The following DYNC2H1 variants were observed in gnomAD, a reference collection of about 807,000 sequenced individuals.
DYNC2H1 encodes dynein cytoplasmic 2 heavy chain 1, also known as cytoplasmic dynein 2 heavy chain 1.
Under a neutral mutation model 570.0 loss-of-function variants are expected in DYNC2H1, and 410 were observed. That is an observed-to-expected ratio of 0.72 (90% CI 0.66 to 0.78). The LOEUF (loss-of-function observed/expected upper bound fraction) is 0.78, where lower values mean the gene tolerates loss of function less well. Among genes scored for constraint, DYNC2H1 ranks in the 30% least tolerant of loss-of-function variants. DYNC2H1 has a pLI of 0.00. For missense variants in DYNC2H1, 4,865 were observed against 5,046.4 expected, an observed-to-expected ratio of 0.96 and a Z score of 1.09; for synonymous variants, 1,688 against 1,677.6, an observed-to-expected ratio of 1.01 and a Z score of -0.15.
chr11:103,274,321 C>A (rs1339498250), intron 70 of DYNC2H1, among the ~76,000 whole-genome samples: 1 of 152,060 alleles, frequency 6.6e-6, no homozygotes, highest in Non-Finnish European at 1.5e-5. Flanking sequence ...GATCACACTA[C>A]TGCACCCCAG....
intron 65 of DYNC2H1, among the ~76,000 whole-genome samples, chr11:103,248,894 C>CA: frequency 6.6e-6 from 1 of 151,920 alleles, no homozygotes; most frequent in African/African-American, 2.4e-5. Flanking sequence ...AAAAAACAAA[C>CA]AAAAAAACAA....
rs936212443 is a variant in DYNC2H1, at chr11:103,311,867, T to A, written c.11494-11T>A. On this transcript the variant is annotated splice_polypyrimidine_tract_variant and intron_variant, in intron 78 of 88. Transcript: ENST00000375735. ...TTTTAGCAATAGGATGTCTGTTGAT[T>A]TTTTTTCTAGTCACCTCCAGGTTTA... The A allele has an allele frequency of 1.3e-6, 2 of 1,599,232 alleles. No individual in the cohort carries two copies. Among genetic ancestry groups the A allele is most frequent in the Non-Finnish European group, 1.7e-6 (2 of 1,173,666 alleles).
rs373100214 is a variant in DYNC2H1, at chr11:103,120,920, A to G, written c.1249-5A>G. 1.2e-5 allele frequency: 17 copies of G among 1,470,504 alleles called. No homozygotes were observed. Among genetic ancestry groups the G allele is most frequent in the African/African-American group, 7.2e-5 (5 of 69,474 alleles). 91.1% of individuals were successfully genotyped at this position (1,470,504 alleles called of 1,614,324 possible). A position where few individuals can be genotyped will look rare whatever the true frequency, so the allele number is the denominator to read the frequency against. On this transcript the variant is annotated splice_region_variant and splice_polypyrimidine_tract_variant and intron_variant, in intron 8 of 88. Coordinates refer to ENST00000375735, the MANE Select transcript of DYNC2H1 (RefSeq NM_001377.3). ...TGAACATGTACTTATTTTATTTTAT[A>G]TTAGCTTCTTCAAGCATTCCTGAAA...
Position 103,319,484 on chromosome 11 carries a change from C to T in DYNC2H1, c.11726-1545C>T, listed in dbSNP as rs576308438. 2.0e-5 allele frequency among the ~76,000 whole-genome samples: 3 copies of T among 152,116 alleles called. No individual in the cohort carries two copies. The highest frequency in any genetic ancestry group is 1.9e-4 in the East Asian group (1 of 5,182). On this transcript the variant is annotated intron_variant, in intron 80 of 88. Coordinates refer to ENST00000375735, the MANE Select transcript of DYNC2H1 (RefSeq NM_001377.3). This position sits in a 1 kb window ranked among gnomAD's most constrained non-coding sequence, Gnocchi z 4.3. ...ATAGTAGACACTATCTCAGTTTATT[C>T]GAATATCCAGAAGTTTAAATTACAA...
chr11:103,208,894 C>G (rs618469), intron 52 of DYNC2H1, among the ~76,000 whole-genome samples: 114,978 of 151,980 alleles, frequency 0.76, 44,028 homozygotes, highest in Admixed American at 0.84. Context: ...CAGGCCAGCA[C>G]ACTTTGCTAA....
At chr11:103,162,071 T>A (rs1456028148) in intron 29 of DYNC2H1, among the ~76,000 whole-genome samples, 1 of 152,202 alleles carries the variant, frequency 6.6e-6, no homozygotes, top group East Asian at 1.9e-4. Flanking sequence ...TTTTCCTCTC[T>A]TGTAGTTTTG....
At chr11:103,196,176 A>G (rs1295125049) in intron 47 of DYNC2H1, among the ~76,000 whole-genome samples, 1 of 152,156 alleles carries the variant, frequency 6.6e-6, no homozygotes, top group African/African-American at 2.4e-5. Context: ...TATATGTGTT[A>G]TGCTAGTGGT....
At chr11:103,388,240 T>A (rs12287941) in intron 83 of DYNC2H1, among the ~76,000 whole-genome samples, 99,903 of 150,378 alleles carry the variant, frequency 0.66, 33,205 homozygotes, top group Admixed American at 0.72. Flanking sequence ...GTTGGATTCC[T>A]AGGTATTTTA....
At chr11:103,445,327 G>A (rs1944387662) in intron 85 of DYNC2H1, among the ~76,000 whole-genome samples, 1 of 152,116 alleles carries the variant, frequency 6.6e-6, no homozygotes, top group East Asian at 1.9e-4. Flanking sequence ...TATTATCTAT[G>A]GACATTTGGG....
intron 47 of DYNC2H1, among the ~76,000 whole-genome samples, chr11:103,196,976 A>G (rs1322870319): frequency 6.6e-6 from 1 of 152,176 alleles, no homozygotes; most frequent in East Asian, 1.9e-4. Flanking sequence ...AGCATGTGAC[A>G]AGGATGCTTG....
intron 82 of DYNC2H1, among the ~76,000 whole-genome samples, chr11:103,353,945 G>A (rs1177997329): frequency 6.6e-6 from 1 of 151,814 alleles, no homozygotes; most frequent in Non-Finnish European, 1.5e-5. Flanking sequence ...TTGGGAGGCC[G>A]AGGCAGGCGG....
At chr11:103,451,747 C>T (rs996924613) in intron 85 of DYNC2H1, among the ~76,000 whole-genome samples, 7 of 152,120 alleles carry the variant, frequency 4.6e-5, no homozygotes, top group African/African-American at 1.7e-4. Flanking sequence ...AACATTTAAT[C>T]GTTATCATTT....
chr11:103,441,956 C>T (rs1286071682), intron 85 of DYNC2H1, among the ~76,000 whole-genome samples: 1 of 152,070 alleles, frequency 6.6e-6, no homozygotes, highest in Non-Finnish European at 1.5e-5. Flanking sequence ...TAGTAACTTT[C>T]CTAGTCCTTG....
chr11:103,337,615 C>G (rs1053307299), intron 82 of DYNC2H1, among the ~76,000 whole-genome samples: 29 of 152,236 alleles, frequency 1.9e-4, no homozygotes, highest in African/African-American at 7.0e-4. Flanking sequence ...GTTTTGATTT[C>G]TATTTCTCTG....
At chr11:103,172,590 C>T (rs938988029) in intron 34 of DYNC2H1, among the ~76,000 whole-genome samples, 5 of 151,966 alleles carry the variant, frequency 3.3e-5, no homozygotes, top group African/African-American at 9.7e-5. Context: ...TGAAAATCCT[C>T]CTACTAAGTG....
rs1370106482 is a variant in DYNC2H1 at position 103,155,328 on chromosome 11, C to T, written c.3574-3C>T. On this transcript the variant is annotated splice_polypyrimidine_tract_variant and splice_region_variant and intron_variant, in intron 24 of 88. Transcript: ENST00000375735. ...GACTTTTTCTTTTTTTTTTTTGTAACAGATCGTAATTCCTATCTTGAAATA... is the reference window on the plus strand; with the variant it reads ...GACTTTTTCTTTTTTTTTTTTGTAATAGATCGTAATTCCTATCTTGAAATA... 2 of 1,577,996 alleles carry T rather than the reference C, an allele frequency of 1.3e-6. No homozygotes were observed. The highest frequency in any genetic ancestry group is 1.7e-6 in the Non-Finnish European group (2 of 1,169,206).
At chr11:103,140,992 T>C (rs1859886611) in intron 17 of DYNC2H1, among the ~76,000 whole-genome samples, 1 of 152,230 alleles carries the variant, frequency 6.6e-6, no homozygotes, top group African/African-American at 2.4e-5. Flanking sequence ...TTCCAGTTGA[T>C]CGCATCGGCT....
At chr11:103,436,157 C>T in intron 85 of DYNC2H1, 125 bp downstream of exon 85, 1 of 696,818 alleles carries the variant, frequency 1.4e-6, no homozygotes, top group Non-Finnish European at 2.2e-6. Context: ...ATCATATATT[C>T]ATTATTCTGC....
chr11:103,147,888 G>C lies in DYNC2H1; in HGVS notation c.2818+1G>C, dbSNP rs1591316134. 1 of 1,569,640 alleles carries C rather than the reference G, an allele frequency of 6.4e-7. No homozygotes were observed. Among genetic ancestry groups the C allele is most frequent in the East Asian group, 2.3e-5 (1 of 44,352 alleles). On this transcript the variant is annotated splice_donor_variant, in intron 19 of 88. Coordinates refer to ENST00000375735, the MANE Select transcript of DYNC2H1 (RefSeq NM_001377.3). LOFTEE classifies it high-confidence loss of function. Reference sequence around the variant, plus strand: ...CTTTCTTTGAAGAAGTCCATACAGGGTAAATACACATTTTAATTTTTATTT... The same window carrying C: ...CTTTCTTTGAAGAAGTCCATACAGGCTAAATACACATTTTAATTTTTATTT...
Sources: allele counts gnomAD v4.1 joint callset (sites outside exome capture counted in the v4.1 genomes callset), GRCh38; gene constraint gnomAD v4.1.1; non-coding constraint Gnocchi (gnomAD v3.1); transcripts MANE v1.5; gene names NCBI Gene and HGNC (gene_info 2026-07-23, HGNC 2026-07-21).